WWOX: variants seen among roughly 807,000 people sequenced by gnomAD.
WWOX encodes the protein WW domain-containing oxidoreductase.
In WWOX, 69 loss-of-function variants were observed where a neutral mutation model predicts 46.2. The ratio of observed to expected loss-of-function variants is 1.49; its 90% CI spans 1.23 to 1.82. The LOEUF is 1.82. WWOX is among the 40% of genes most tolerant of loss of function. WWOX has a pLI of 0.00. For missense variants in WWOX, 919 were observed against 542.6 expected (o/e 1.69, Z -6.89); for synonymous variants, 359 against 202.6 (o/e 1.77, Z -6.56).
intron 8 of WWOX, among the ~76,000 whole-genome samples, chr16:79,057,790 C>G (rs1222431412): frequency 1.3e-5 from 2 of 152,178 alleles, no homozygotes. Context: ...AATCCCAGCT[C>G]TGATCCATCT....
At chr16:78,694,784 C>A (rs1209424724) in intron 8 of WWOX, among the ~76,000 whole-genome samples, 2 of 151,976 alleles carry the variant, frequency 1.3e-5, no homozygotes, top group African/African-American at 2.4e-5. Context: ...TGAAGTTACT[C>A]TTCCTGCTCT....
At chr16:78,156,150 G>A (rs919628169) in intron 4 of WWOX, among the ~76,000 whole-genome samples, 3 of 152,176 alleles carry the variant, frequency 2.0e-5, no homozygotes, top group African/African-American at 4.8e-5. Flanking sequence ...TGGCTTACCC[G>A]TAACTACAGT....
chr16:78,830,487 G>T (rs1029615535), intron 8 of WWOX, among the ~76,000 whole-genome samples: 1 of 151,882 alleles, frequency 6.6e-6, no homozygotes, highest in Admixed American at 6.6e-5. Flanking sequence ...GCCTGAAGAG[G>T]CCTCAAAATT....
intron 5 of WWOX, among the ~76,000 whole-genome samples, chr16:78,317,876 C>T (rs2080387248): frequency 6.6e-6 from 1 of 152,188 alleles, no homozygotes; most frequent in Non-Finnish European, 1.5e-5. Context: ...TCCCCGTAAA[C>T]ATCTTCTGTT....
At chr16:78,793,695 A>G (rs537442191) in intron 8 of WWOX, among the ~76,000 whole-genome samples, 23 of 152,292 alleles carry the variant, frequency 1.5e-4, no homozygotes, top group African/African-American at 5.5e-4. Flanking sequence ...TTATAATTAC[A>G]TTCAGAAATG....
intron 8 of WWOX, among the ~76,000 whole-genome samples, chr16:79,136,395 T>A (rs2049982376): frequency 6.6e-6 from 1 of 152,108 alleles, no homozygotes; most frequent in Middle Eastern, 3.2e-3. Context: ...CACACCCAGC[T>A]AATTTTTGTA....
At chr16:78,537,182 G>A (rs1197387383) in intron 8 of WWOX, among the ~76,000 whole-genome samples, 1 of 152,066 alleles carries the variant, frequency 6.6e-6, no homozygotes, top group Non-Finnish European at 1.5e-5. Flanking sequence ...CTCCCAAAGT[G>A]CTGGGATTAC....
At chr16:78,414,766 A>C (rs997792091) in intron 6 of WWOX, among the ~76,000 whole-genome samples, 3 of 152,142 alleles carry the variant, frequency 2.0e-5, no homozygotes, top group African/African-American at 7.2e-5. Flanking sequence ...TTACAGGAAC[A>C]GTTTAGTTTT....
chr16:78,641,000 G>GGGAAA (rs1285648265), intron 8 of WWOX, among the ~76,000 whole-genome samples: 1 of 151,054 alleles, frequency 6.6e-6, no homozygotes, highest in Non-Finnish European at 1.5e-5. Context: ...GAAAAGGGAA[G>GGGAAA]GGAAAGGAAA....
intron 5 of WWOX, among the ~76,000 whole-genome samples, chr16:78,273,554 A>T (rs533541296): frequency 6.6e-6 from 1 of 152,304 alleles, no homozygotes; most frequent in South Asian, 2.1e-4. Context: ...TTTGCCTTTC[A>T]GAAGACCGTT....
rs376380161 is a variant in WWOX, at chr16:78,400,005, A to T, written c.605+13057A>T. Among the ~76,000 whole-genome samples, 3 of 152,304 alleles carry T rather than the reference A, an allele frequency of 2.0e-5. 1 individual carries two copies. In the East Asian group the frequency reaches 5.8e-4, roughly 29 times the overall value. On this transcript the variant is annotated intron_variant, in intron 6 of 8. Transcript: ENST00000566780. ...TATATTTTTAGTTGAGCTACTTGTC[A>T]CTGCACTGTGTTTTTAATATTGTGA...
chr16:78,262,545 G>A (rs2079268813), intron 5 of WWOX, among the ~76,000 whole-genome samples: 1 of 152,142 alleles, frequency 6.6e-6, no homozygotes, highest in Admixed American at 6.5e-5. Context: ...GACTTCCTGT[G>A]GACACCAGAG....
intron 5 of WWOX, among the ~76,000 whole-genome samples, chr16:78,272,819 T>C (rs937322145): frequency 6.6e-6 from 1 of 152,166 alleles, no homozygotes; most frequent in Non-Finnish European, 1.5e-5. Context: ...TGCCATTTGC[T>C]TAAAATCAGA....
intron 5 of WWOX, among the ~76,000 whole-genome samples, chr16:78,165,836 C>G (rs942090477): frequency 1.3e-5 from 2 of 151,970 alleles, no homozygotes; most frequent in African/African-American, 4.8e-5. Flanking sequence ...TGAAATGAGC[C>G]CTTATCTTGA....
intron 8 of WWOX, among the ~76,000 whole-genome samples, chr16:78,613,960 G>A (rs1007447053): frequency 2.0e-5 from 3 of 152,164 alleles, no homozygotes; most frequent in Non-Finnish European, 2.9e-5. Context: ...TACGTACTGC[G>A]ATGGCTGCTT....
At chr16:79,041,590 C>G (rs1458975523) in intron 8 of WWOX, among the ~76,000 whole-genome samples, 1 of 152,050 alleles carries the variant, frequency 6.6e-6, no homozygotes. Flanking sequence ...TCTGGTTGGC[C>G]TCTGGGAGTA....
intron 4 of WWOX, chr16:78,123,428 G>GTTTTTTTTTT (rs1330107026): frequency 4.9e-5 from 3 of 61,048 alleles, no homozygotes; most frequent in African/African-American, 1.1e-4. Context: ...TTTTTTCTTT[G>GTTTTTTTTTT]TTTTTTGTTT....
At chr16:78,477,306 G>A (rs1005696108) in intron 8 of WWOX, among the ~76,000 whole-genome samples, 2 of 152,030 alleles carry the variant, frequency 1.3e-5, no homozygotes, top group Non-Finnish European at 2.9e-5. Flanking sequence ...AGCAGTAACC[G>A]CATATAAAAA....
chr16:78,780,446 TCAAAAA>T (rs569813112), intron 8 of WWOX: 39 of 152,100 alleles, frequency 2.6e-4, no homozygotes, highest in African/African-American at 8.4e-4. Flanking sequence ...GATAAACAAG[TCAAAAA>T]CAAAAAGGCC....
Sources: allele counts gnomAD v4.1 joint callset (sites outside exome capture counted in the v4.1 genomes callset), GRCh38; gene constraint gnomAD v4.1.1; transcripts MANE v1.5; gene names NCBI Gene and HGNC (gene_info 2026-07-23, HGNC 2026-07-21).